PNPLA8: variants seen among roughly 807,000 people sequenced by gnomAD.
PNPLA8 encodes calcium-independent phospholipase A2-gamma.
PNPLA8 carries 39 observed loss-of-function variants against 76.9 expected under a neutral mutation model. That is an observed-to-expected ratio of 0.51 (90% CI 0.39 to 0.66). The LOEUF (loss-of-function observed/expected upper bound fraction) is 0.66. Ranked by LOEUF, PNPLA8 falls within the 30% of genes least tolerant of loss-of-function variation. PNPLA8 has a pLI of 0.00. For missense variants in PNPLA8, 887 were observed against 918.0 expected (o/e 0.97, Z 0.44); for synonymous variants, 301 against 307.9 (o/e 0.98, Z 0.24).
chr7:108,491,363 A>T (rs771997243), intron 8 of PNPLA8, 47 bp downstream of exon 8: 17 of 1,123,886 alleles, frequency 1.5e-5, no homozygotes, highest in African/African-American at 4.6e-5. Context: ...CTTTCACCAG[A>T]CCTTCAGATG....
chr7:108,491,532 A>G, intron 7 of PNPLA8, 65 bp from the exon 8 acceptor site: 2 of 980,084 alleles, frequency 2.0e-6, no homozygotes. Flanking sequence ...ACCAGGAAAC[A>G]TACAGTATGC....
At chr7:108,523,400 A>T (rs143487853) in intron 1 of PNPLA8, among the ~76,000 whole-genome samples, 2 of 151,244 alleles carry the variant, frequency 1.3e-5, no homozygotes, top group East Asian at 3.9e-4. Flanking sequence ...AGACTTCTCT[A>T]TTAGCTAAAG....
chr7:108,473,625 A>T (rs1331290809), intron 10 of PNPLA8, among the ~76,000 whole-genome samples: 1 of 152,116 alleles, frequency 6.6e-6, no homozygotes, highest in East Asian at 1.9e-4. Flanking sequence ...TTTAATTTTT[A>T]TTTCCCTAAT....
At chr7:108,523,738 T>C (rs1429178632) in intron 1 of PNPLA8, among the ~76,000 whole-genome samples, 5 of 152,336 alleles carry the variant, frequency 3.3e-5, no homozygotes, top group African/African-American at 1.2e-4. Flanking sequence ...TACGGTGTTG[T>C]CGGTAAATTT....
At chr7:108,513,356 C>T (rs1180235044) in intron 4 of PNPLA8, among the ~76,000 whole-genome samples, 1 of 151,790 alleles carries the variant, frequency 6.6e-6, no homozygotes, top group South Asian at 2.1e-4. Context: ...TTATACAATA[C>T]ACAAGTAAGG....
In PNPLA8 at chr7:108,510,709, C is replaced by A. The variant is rs1641337457; in HGVS notation, c.1206+3435G>T. 12 of 1,600,088 alleles carry A rather than the reference C, an allele frequency of 7.5e-6. 1 individual carries two copies. The South Asian group carries it at 1.3e-4, about 18-fold the overall frequency. On this transcript the variant is annotated intron_variant, in intron 4 of 10. Coordinates refer to ENST00000257694, the MANE Select transcript of PNPLA8 (RefSeq NM_001256007.3). ...AACTAATCTACAAGAGTGGTTATGG[C>A]AAAATCAATAAGAAGCGAATTGCTT...
At chr7:108,482,984 A>G (rs1860503382) in intron 9 of PNPLA8, among the ~76,000 whole-genome samples, 1 of 152,228 alleles carries the variant, frequency 6.6e-6, no homozygotes, top group South Asian at 2.1e-4. Flanking sequence ...ATGAAATGTG[A>G]AGAACACTCT....
intron 4 of PNPLA8, chr7:108,510,310 G>T (rs1460671452): frequency 1.7e-5 from 27 of 1,589,128 alleles, no homozygotes; most frequent in Non-Finnish European, 2.3e-5. Context: ...ATTTCTCAGA[G>T]CTGAAGATGA....
intron 7 of PNPLA8, among the ~76,000 whole-genome samples, chr7:108,493,786 AT>A (rs35245785): frequency 0.1 from 15,687 of 151,382 alleles, 839 homozygotes; most frequent in Non-Finnish European, 0.11. Flanking sequence ...TACCAGTGGA[AT>A]TTTTTTTTAT....
In PNPLA8 at chr7:108,526,064, C is replaced by A. The variant is rs1864058728; in HGVS notation, c.-165G>T. 5 of 985,570 alleles carry A rather than the reference C, an allele frequency of 5.1e-6. No homozygotes were observed. Among genetic ancestry groups the A allele is most frequent in the Non-Finnish European group, 6.0e-6 (5 of 830,074 alleles). 61.1% of individuals were successfully genotyped at this position (985,570 alleles called of 1,614,324 possible). On this transcript the variant is annotated 5_prime_UTR_variant, in exon 1 of 11. Transcript: ENST00000257694. ...GCCGCAGTCACTAGGGCTGCAGCGGCGACTCGCTCGTTCCCGGCAATGACG... is the reference window on the plus strand; with the variant it reads ...GCCGCAGTCACTAGGGCTGCAGCGGAGACTCGCTCGTTCCCGGCAATGACG...
At chr7:108,522,263 C>T (rs1863794019) in intron 1 of PNPLA8, among the ~76,000 whole-genome samples, 1 of 148,768 alleles carries the variant, frequency 6.7e-6, no homozygotes, top group South Asian at 2.1e-4. Flanking sequence ...CACTGAACTG[C>T]AGCCTGGGTG....
chr7:108,507,704 A>T (rs1475616421), intron 4 of PNPLA8, among the ~76,000 whole-genome samples: 1 of 152,114 alleles, frequency 6.6e-6, no homozygotes, highest in Admixed American at 6.5e-5. Flanking sequence ...TATTTTTTTT[A>T]AAGGTGCAAA....
At chr7:108,473,298 T>A (rs114545832) in intron 10 of PNPLA8, among the ~76,000 whole-genome samples, 1 of 152,238 alleles carries the variant, frequency 6.6e-6, no homozygotes, top group Non-Finnish European at 1.5e-5. Flanking sequence ...ATTGTATAGA[T>A]ACAACACAAT....
At chr7:108,491,287 A>G (rs574258122) in intron 8 of PNPLA8, 123 bp downstream of exon 8, 38 of 643,376 alleles carry the variant, frequency 5.9e-5, no homozygotes, top group Admixed American at 1.6e-4. Context: ...AGCCTGGGCA[A>G]TAAGAGTGAA....
chr7:108,471,298 T>A lies in PNPLA8; in HGVS notation c.*1103A>T, dbSNP rs770080624. 2 of 145,052 alleles carry A rather than the reference T, an allele frequency of 1.4e-5. No homozygotes were observed. The highest frequency in any genetic ancestry group is 2.3e-4 in the South Asian group (1 of 4,352). The allele number at this position is 145,052 out of a possible 1,614,324, so 9.0% of individuals were successfully genotyped here. ...TGGCGCTATTTGGCTCACTGCAACC[T>A]CCGTCTCTCAGGTTCAAGCCATTCT... On this transcript the variant is annotated 3_prime_UTR_variant, in exon 11 of 11. Transcript: ENST00000257694.
rs1164840586 is a variant in PNPLA8 at position 108,505,352 on chromosome 7, A to ATTTTT, written c.1207-2715_1207-2711dup. On this transcript the variant is annotated intron_variant, in intron 4 of 10. Coordinates refer to ENST00000257694, the MANE Select transcript of PNPLA8 (RefSeq NM_001256007.3). ...TATATATATATATATATATATATAT[A>ATTTTT]TTTTTTTTTTTTTTTTTTTTTTTTT... Among the ~76,000 whole-genome samples the ATTTTT allele has an allele frequency of 2.2e-4, 3 of 13,890 alleles. 1 individual carries two copies. Among genetic ancestry groups the ATTTTT allele is most frequent in the African/African-American group, 9.1e-4 (2 of 2,196 alleles). 9.1% of individuals were successfully genotyped at this position (13,890 alleles called of 152,430 possible).
intron 2 of PNPLA8, among the ~76,000 whole-genome samples, chr7:108,518,588 C>T (rs548721291): frequency 9.4e-4 from 142 of 151,744 alleles, no homozygotes; most frequent in African/African-American, 3.3e-3. Flanking sequence ...GGTGGCTATG[C>T]GTGTGTCAGG....
At chr7:108,510,129 T>C in intron 4 of PNPLA8, 2 of 586,182 alleles carry the variant, frequency 3.4e-6, no homozygotes, top group Non-Finnish European at 5.8e-6. Flanking sequence ...TATACATATG[T>C]AACTAACCTG....
intron 4 of PNPLA8, among the ~76,000 whole-genome samples, chr7:108,510,033 G>T (rs1379597074): frequency 8.9e-4 from 106 of 119,508 alleles, no homozygotes; most frequent in African/African-American, 3.3e-3. Context: ...GTGGTGGGGT[G>T]GGGGGAGGGG....
Sources: allele counts gnomAD v4.1 joint callset (sites outside exome capture counted in the v4.1 genomes callset), GRCh38; gene constraint gnomAD v4.1.1; transcripts MANE v1.5; gene names NCBI Gene and HGNC (gene_info 2026-07-23, HGNC 2026-07-21).